The following TOX variants were observed in gnomAD, a reference collection of about 807,000 sequenced individuals.
The protein encoded by TOX is thymocyte selection associated high mobility group box, also known as thymocyte selection-associated high mobility group box protein TOX.
A neutral mutation model predicts 53.7 loss-of-function variants in TOX; 11 were observed. The ratio of observed to expected loss-of-function variants is 0.20; its 90% CI spans 0.13 to 0.34. The LOEUF (loss-of-function observed/expected upper bound fraction) is 0.34. Among genes scored for constraint, TOX ranks in the 10% least tolerant of loss-of-function variants. The pLI is 1.00. For synonymous variants in TOX, 225 were observed against 245.3 expected, an observed-to-expected ratio of 0.92 and a Z score of 0.77; for missense variants, 570 against 664.6, an observed-to-expected ratio of 0.86 and a Z score of 1.56.
intron 4 of TOX, among the ~76,000 whole-genome samples, 178 bp from the exon 5 acceptor site, chr8:58,838,489 G>GT (rs1810586644): frequency 6.6e-6 from 1 of 151,866 alleles, no homozygotes; most frequent in South Asian, 2.1e-4. Flanking sequence ...CATATTTCAA[G>GT]TAGTCTTCAT....
chr8:58,874,371 G>GAAGGA (rs1811250949), intron 3 of TOX, among the ~76,000 whole-genome samples: 1 of 152,050 alleles, frequency 6.6e-6, no homozygotes, highest in African/African-American at 2.4e-5. Context: ...GTGTGTGTGG[G>GAAGGA]TAGACAGTGG....
chr8:58,863,956 A>C (rs1811053931), intron 3 of TOX, among the ~76,000 whole-genome samples: 1 of 151,140 alleles, frequency 6.6e-6, no homozygotes. Flanking sequence ...TTAAAATTGC[A>C]GTGAGCATCA....
At chr8:59,089,164 C>T (rs568996152) in intron 1 of TOX, among the ~76,000 whole-genome samples, 21 of 152,308 alleles carry the variant, frequency 1.4e-4, no homozygotes, top group African/African-American at 5.1e-4. Context: ...ATATTTGTTT[C>T]GGGCATAGCA....
chr8:58,940,535 T>C (rs1462811952), intron 2 of TOX, among the ~76,000 whole-genome samples: 1 of 152,178 alleles, frequency 6.6e-6, no homozygotes, highest in Non-Finnish European at 1.5e-5. Flanking sequence ...CAGTCCTTCA[T>C]AGAACAGGTG....
At chr8:58,955,170 T>C (rs1812689470) in intron 2 of TOX, among the ~76,000 whole-genome samples, 1 of 152,162 alleles carries the variant, frequency 6.6e-6, no homozygotes, top group Non-Finnish European at 1.5e-5. Context: ...AATCTTGAGA[T>C]TTGAGGGATC....
intron 3 of TOX, among the ~76,000 whole-genome samples, chr8:58,880,744 A>G (rs901884821): frequency 2.0e-5 from 3 of 152,224 alleles, no homozygotes; most frequent in African/African-American, 7.2e-5. Flanking sequence ...TTTGAAGCTT[A>G]TAAATAATGT....
rs978500394 is a variant in TOX at position 58,821,631 on chromosome 8, C to T, written c.1005+5191G>A. ...CCCCTCTCCCAGCCCTGGCAACCAC[C>T]GTGCCACTCTTTGAGTCTATGAAAT... On this transcript the variant is annotated intron_variant, in intron 6 of 8. Transcript: ENST00000361421. Among the ~76,000 whole-genome samples the T allele has an allele frequency of 1.3e-4, 20 of 152,172 alleles. No individual in the cohort carries two copies. The East Asian group carries it at 3.5e-3, about 26-fold the overall frequency.
intron 1 of TOX, among the ~76,000 whole-genome samples, chr8:59,054,275 A>G (rs1443858544): frequency 6.6e-6 from 1 of 152,238 alleles, no homozygotes; most frequent in Non-Finnish European, 1.5e-5. Context: ...AGAGGTCATT[A>G]GCATATAGGG....
intron 2 of TOX, among the ~76,000 whole-genome samples, chr8:58,950,154 T>C (rs1028196249): frequency 8.7e-6 from 1 of 115,010 alleles, no homozygotes; most frequent in African/African-American, 3.3e-5. Flanking sequence ...TACAATTACA[T>C]GTGTATAGTT....
chr8:59,037,275 G>A (rs1344257156), intron 1 of TOX, among the ~76,000 whole-genome samples: 2 of 147,304 alleles, frequency 1.4e-5, no homozygotes, highest in African/African-American at 5.1e-5. Flanking sequence ...CCTTTTGGAT[G>A]TTTCCTGAAT....
At chr8:58,827,771 A>G (rs1810389128) in intron 5 of TOX, among the ~76,000 whole-genome samples, 1 of 152,246 alleles carries the variant, frequency 6.6e-6, no homozygotes, top group Non-Finnish European at 1.5e-5. Flanking sequence ...GTGAGCAGTC[A>G]TTAGAGTTGA....
intron 3 of TOX, among the ~76,000 whole-genome samples, chr8:58,930,724 T>C (rs778483672): frequency 1.3e-5 from 2 of 152,160 alleles, no homozygotes; most frequent in Non-Finnish European, 2.9e-5. Flanking sequence ...ATAACTGCTA[T>C]CCAGAACAGG....
At chr8:58,878,821 G>A (rs1299415579) in intron 3 of TOX, among the ~76,000 whole-genome samples, 9 of 152,092 alleles carry the variant, frequency 5.9e-5, no homozygotes, top group Non-Finnish European at 1.3e-4. Context: ...AGCACTTTGG[G>A]AGGCTGAGGC....
In TOX at chr8:59,080,847, T is replaced by C. The variant is rs181987484; in HGVS notation, c.102+38039A>G. ...AGGCTTCCTGTACAGCCTGCAGAAC[T>C]GGGCCAATTAAACCTCTTTTCTTAT... is the stretch of plus-strand genomic sequence containing the variant. On this transcript the variant is annotated intron_variant, in intron 1 of 8. Coordinates refer to ENST00000361421, the MANE Select transcript of TOX (RefSeq NM_014729.3). 3.3e-4 allele frequency among the ~76,000 whole-genome samples: 51 copies of C among 152,304 alleles called. 1 individual carries two copies. Among genetic ancestry groups the C allele is most frequent in the African/African-American group, 1.2e-3 (51 of 41,560 alleles).
At chr8:58,877,900 GCTTACT>G (rs1217878456) in intron 3 of TOX, among the ~76,000 whole-genome samples, 2 of 151,586 alleles carry the variant, frequency 1.3e-5, no homozygotes, top group Non-Finnish European at 2.9e-5. Flanking sequence ...AATTGATTTT[GCTTACT>G]CTTAATCATT....
chr8:58,922,713 A>G (rs1258575807), intron 3 of TOX, among the ~76,000 whole-genome samples: 3 of 152,224 alleles, frequency 2.0e-5, no homozygotes, highest in Non-Finnish European at 4.4e-5. Context: ...TGGCCAATCA[A>G]CTACTTGAAT....
chr8:58,897,312 G>C (rs1811667293), intron 3 of TOX, among the ~76,000 whole-genome samples: 1 of 151,996 alleles, frequency 6.6e-6, no homozygotes, highest in Non-Finnish European at 1.5e-5. Flanking sequence ...TTTCTATCTG[G>C]ATGGCAGAAT....
rs181866431 is a variant in TOX at position 58,835,391 on chromosome 8, T to G, written c.924+2690A>C. On this transcript the variant is annotated intron_variant, in intron 5 of 8. Transcript: ENST00000361421. ...CCAGCCTCGATTCTGAATGCCAGAA[T>G]GGGAAAATGGGAGTGATTTCCCTTT... 1.2e-4 allele frequency among the ~76,000 whole-genome samples: 18 copies of G among 152,342 alleles called. No homozygotes were observed. The East Asian group carries it at 3.3e-3, about 28-fold the overall frequency.
intron 1 of TOX, among the ~76,000 whole-genome samples, chr8:58,991,088 C>G (rs1813436571): frequency 6.6e-6 from 1 of 152,180 alleles, no homozygotes; most frequent in African/African-American, 2.4e-5. Flanking sequence ...AAGTGTACAG[C>G]TAGGCTCAAA....
Sources: allele counts gnomAD v4.1 joint callset (sites outside exome capture counted in the v4.1 genomes callset), GRCh38; gene constraint gnomAD v4.1.1; transcripts MANE v1.5; gene names NCBI Gene and HGNC (gene_info 2026-07-23, HGNC 2026-07-21).